DDR2: variants seen among roughly 807,000 people sequenced by gnomAD.
DDR2 encodes discoidin domain receptor tyrosine kinase 2, also known as discoidin domain-containing receptor 2.
A neutral mutation model predicts 94.9 loss-of-function variants in DDR2; 27 were observed. The ratio of observed to expected loss-of-function variants is 0.28; its 90% CI spans 0.21 to 0.39. The LOEUF (loss-of-function observed/expected upper bound fraction) is 0.39. Ranked by LOEUF, DDR2 falls within the 10% of genes least tolerant of loss-of-function variation. The probability of loss-of-function intolerance (pLI) is 1.00; values close to 1 mark genes in which losing one functional copy is unlikely to be tolerated. For missense variants in DDR2, 783 were observed against 1,076.0 expected (o/e 0.73, Z 3.81); for synonymous variants, 382 against 377.2 (o/e 1.01, Z -0.15).
intron 1 of DDR2, among the ~76,000 whole-genome samples, chr1:162,642,195 G>C (rs1054755227): frequency 6.6e-6 from 1 of 152,128 alleles, no homozygotes; most frequent in Non-Finnish European, 1.5e-5. Context: ...GACCTCAGGT[G>C]ATCCACCCGC....
rs964248800 is a variant in DDR2, at chr1:162,660,480, A to G, written c.-28+5106A>G. 3.9e-5 allele frequency among the ~76,000 whole-genome samples: 6 copies of G among 152,318 alleles called. No homozygotes were observed. In the East Asian group the frequency reaches 9.6e-4, roughly 24 times the overall value. On this transcript the variant is annotated intron_variant, in intron 2 of 17. Coordinates refer to ENST00000367921, the MANE Select transcript of DDR2 (RefSeq NM_006182.4). ...TCATCAAAGAGCTTGTTAAAAATGC[A>G]GGATCTAGGACCTCAGACTAAATCA... is the stretch of plus-strand genomic sequence containing the variant.
At chr1:162,632,456 G>A (rs1387915694), upstream of DDR2, 1 of 152,104 alleles carries the variant, frequency 6.6e-6, no homozygotes, top group Non-Finnish European at 1.5e-5. Context: ...AGAATGTGAG[G>A]TTTCTCTCAA....
chr1:162,761,562 A>G, intron 9 of DDR2, 108 bp downstream of exon 9: 1 of 1,552,784 alleles, frequency 6.4e-7, no homozygotes, highest in African/African-American at 1.4e-5. Flanking sequence ...GGGATTGTAC[A>G]GGCAGCTTCT....
chr1:162,665,781 C>T (rs1160129113), intron 2 of DDR2, among the ~76,000 whole-genome samples: 2 of 152,096 alleles, frequency 1.3e-5, no homozygotes, highest in Non-Finnish European at 2.9e-5. Flanking sequence ...TCCCCAGATA[C>T]ATAAGAGGAG....
intron 2 of DDR2, among the ~76,000 whole-genome samples, chr1:162,660,652 C>A (rs1422902216): frequency 2.0e-5 from 3 of 152,158 alleles, no homozygotes; most frequent in Non-Finnish European, 4.4e-5. Context: ...TTTCTAACAT[C>A]AAAGCAGCAA....
At chr1:162,728,176 A>G (rs1661811979) in intron 3 of DDR2, among the ~76,000 whole-genome samples, 1 of 145,826 alleles carries the variant, frequency 6.9e-6, no homozygotes, top group African/African-American at 2.5e-5. Context: ...ATAGATAGAT[A>G]TCTCTTTATA....
At chr1:162,735,578 G>T (rs2102069655) in intron 3 of DDR2, among the ~76,000 whole-genome samples, 1 of 152,280 alleles carries the variant, frequency 6.6e-6, no homozygotes, top group East Asian at 1.9e-4. Context: ...GCTCTAAATG[G>T]TAACTGAAAT....
At chr1:162,714,809 C>T (rs1661084825) in intron 2 of DDR2, among the ~76,000 whole-genome samples, 1 of 152,156 alleles carries the variant, frequency 6.6e-6, no homozygotes, top group South Asian at 2.1e-4. Flanking sequence ...CCTGTAATAG[C>T]ACCTAATAGA....
intron 3 of DDR2, among the ~76,000 whole-genome samples, chr1:162,752,717 A>G (rs1331015854): frequency 2.0e-5 from 3 of 152,214 alleles, no homozygotes; most frequent in African/African-American, 7.2e-5. Flanking sequence ...GGTGATTATG[A>G]GGGTTCCTCA....
rs959593839 is a variant in DDR2 at position 162,785,996 on chromosome 1, G to A, written c.*5750G>A. 1.3e-5 allele frequency: 2 copies of A among 152,162 alleles called. No individual in the cohort carries two copies. Among genetic ancestry groups the A allele is most frequent in the African/African-American group, 4.8e-5 (2 of 41,428 alleles). The allele number at this position is 152,162 out of a possible 1,614,324, so 9.4% of individuals were successfully genotyped here. On this transcript the variant is annotated 3_prime_UTR_variant, in exon 18 of 18. Coordinates refer to ENST00000367921, the MANE Select transcript of DDR2 (RefSeq NM_006182.4). ...GACACCTTGTCAACAACATGCAACAGTGTCAGGTGCCTTGCAGGAAAATAA... is the reference window on the plus strand; with the variant it reads ...GACACCTTGTCAACAACATGCAACAATGTCAGGTGCCTTGCAGGAAAATAA...
At chr1:162,638,877 A>G (rs1656974503) in intron 1 of DDR2, among the ~76,000 whole-genome samples, 1 of 152,252 alleles carries the variant, frequency 6.6e-6, no homozygotes, top group South Asian at 2.1e-4. Context: ...AATAGTATCA[A>G]TGGAAATTAA....
intron 2 of DDR2, among the ~76,000 whole-genome samples, chr1:162,679,181 T>A (rs560917858): frequency 6.6e-6 from 1 of 152,112 alleles, no homozygotes; most frequent in South Asian, 2.1e-4. Flanking sequence ...TTTTTTCTGA[T>A]TCTCTCCCTC....
At chr1:162,640,596 T>C (rs1657082038) in intron 1 of DDR2, among the ~76,000 whole-genome samples, 1 of 152,214 alleles carries the variant, frequency 6.6e-6, no homozygotes, top group Non-Finnish European at 1.5e-5. Flanking sequence ...CTTGGCTACT[T>C]CTTTCTTATT....
chr1:162,729,351 G>C (rs1362040842), intron 3 of DDR2, among the ~76,000 whole-genome samples: 2 of 129,940 alleles, frequency 1.5e-5, no homozygotes, highest in Non-Finnish European at 3.1e-5. Flanking sequence ...TGTTGACTTA[G>C]CTCTTGGTCC....
chr1:162,656,666 G>A (rs1213396661), intron 2 of DDR2, among the ~76,000 whole-genome samples: 1 of 151,594 alleles, frequency 6.6e-6, no homozygotes, highest in East Asian at 1.9e-4. Context: ...AGCCTTCACA[G>A]TGTATATTTT....
At chr1:162,720,102 T>C (rs904696215) in intron 3 of DDR2, among the ~76,000 whole-genome samples, 17 of 152,082 alleles carry the variant, frequency 1.1e-4, no homozygotes, top group African/African-American at 3.9e-4. Context: ...GCACAAAAAA[T>C]TAGATGGTAA....
In DDR2 at chr1:162,755,669, T is replaced by C. The variant is rs1169765181; in HGVS notation, c.571T>C (p.Leu191=). ...TGGCTGTGTTTCCTTTGCAGATGGC[T>C]TGGTGTCTTACAATGCTCCAGCTGG... is the stretch of plus-strand genomic sequence containing the variant. The part of the protein sequence containing the change: ...ELYGCVWLDG[L]VSYNAPAGQQ... Residue 191 remains leucine, a synonymous_variant, in exon 7 of 18, where the codon TTG becomes CTG. Coordinates refer to ENST00000367921, the MANE Select transcript of DDR2 (RefSeq NM_006182.4). 1 of 1,614,146 alleles carries C rather than the reference T, an allele frequency of 6.2e-7. No homozygotes were observed. The highest frequency in any genetic ancestry group is 8.5e-7 in the Non-Finnish European group (1 of 1,179,982).
chr1:162,671,846 C>G (rs1393141534), intron 2 of DDR2, among the ~76,000 whole-genome samples: 1 of 152,150 alleles, frequency 6.6e-6, no homozygotes, highest in East Asian at 1.9e-4. Flanking sequence ...TCATTTAGGT[C>G]AAAAACATAG....
intron 2 of DDR2, among the ~76,000 whole-genome samples, chr1:162,701,794 C>T (rs189914780): frequency 5.3e-4 from 80 of 152,338 alleles, no homozygotes; most frequent in Non-Finnish European, 7.3e-4. Flanking sequence ...AAATCTGCCT[C>T]TCTGTAACTT....
Sources: allele counts gnomAD v4.1 joint callset (sites outside exome capture counted in the v4.1 genomes callset), GRCh38; gene constraint gnomAD v4.1.1; transcripts MANE v1.5; gene names NCBI Gene and HGNC (gene_info 2026-07-23, HGNC 2026-07-21).